Variants in MRPL48 observed in about 807,000 individuals in gnomAD.
MRPL48 encodes the protein large ribosomal subunit protein mL48.
Under a neutral mutation model 32.9 loss-of-function variants are expected in MRPL48, and 16 were observed. That is an observed-to-expected ratio of 0.49 (90% CI 0.33 to 0.74). The LOEUF is 0.74. MRPL48 is among the 30% of genes least tolerant of loss of function. The pLI is 0.02. For synonymous variants in MRPL48, 94 were observed against 89.2 expected, an observed-to-expected ratio of 1.05 and a Z score of -0.31; for missense variants, 206 against 245.3, an observed-to-expected ratio of 0.84 and a Z score of 1.07.
At chr11:73,788,058 G>A in intron 1 of MRPL48, 66 bp downstream of exon 1, 1 of 1,598,994 alleles carries the variant, frequency 6.3e-7, no homozygotes, top group Non-Finnish European at 8.5e-7. Context: ...GGGAGATGGC[G>A]GAGGGTGCAG....
At chr11:73,843,259 C>T (rs1948225847) in intron 4 of MRPL48, 1 of 149,754 alleles carries the variant, frequency 6.7e-6, no homozygotes, top group Non-Finnish European at 1.5e-5. Context: ...GGAGTCTCGC[C>T]CTGTCACCCA....
Position 73,864,301 on chromosome 11 carries a change from TGAA to T in MRPL48, c.576_578del (p.Glu192del). The stretch of plus-strand genomic sequence containing the variant: ...TTTCTTTTTCTTCTCCTTAGCACAC[TGAA>T]GAAGACTTCAAGGGACGATTCAAAG... On this transcript the variant is annotated inframe_deletion, in exon 8 of 8. Transcript: ENST00000310614. The T allele has an allele frequency of 1.9e-6, 3 of 1,613,756 alleles. No individual in the cohort carries two copies. The highest frequency in any genetic ancestry group is 1.1e-5 in the South Asian group (1 of 91,012).
intron 4 of MRPL48, among the ~76,000 whole-genome samples, chr11:73,836,640 G>T (rs947114879): frequency 2.6e-5 from 4 of 152,168 alleles, no homozygotes; most frequent in Admixed American, 2.6e-4. Context: ...GACCCTGTTT[G>T]AGGAATCCAA....
chr11:73,862,074 G>A (rs1265061632), intron 6 of MRPL48, among the ~76,000 whole-genome samples: 1 of 152,180 alleles, frequency 6.6e-6, no homozygotes, highest in Non-Finnish European at 1.5e-5. Context: ...GATCACTTAA[G>A]GTGAGGAGTT....
In MRPL48 at chr11:73,826,611, A is replaced by G. The variant is rs1048133248; in HGVS notation, c.201+815A>G. On this transcript the variant is annotated intron_variant, in intron 4 of 7. Transcript: ENST00000310614. ...CTCATGCTTCAACCTCCCAAGTGGC[A>G]GGGATTATAGGCGTCCGCTGCCACA... Among the ~76,000 whole-genome samples, 3 of 151,550 alleles carry G rather than the reference A, an allele frequency of 2.0e-5. No homozygotes were observed. In the South Asian group the frequency reaches 6.3e-4, roughly 32 times the overall value.
intron 4 of MRPL48, among the ~76,000 whole-genome samples, chr11:73,829,628 C>T (rs1455201278): frequency 6.6e-6 from 1 of 152,222 alleles, no homozygotes; most frequent in Non-Finnish European, 1.5e-5. Flanking sequence ...CCTTGGCCTC[C>T]CAAGTGCTGG....
chr11:73,812,085 A>G (rs1005128605), intron 3 of MRPL48, among the ~76,000 whole-genome samples: 3 of 152,010 alleles, frequency 2.0e-5, no homozygotes, highest in African/African-American at 4.8e-5. Flanking sequence ...ATGGGGTTTC[A>G]CCGTGTTAGC....
At chr11:73,824,207 T>G (rs1361520396) in intron 3 of MRPL48, among the ~76,000 whole-genome samples, 3 of 152,076 alleles carry the variant, frequency 2.0e-5, no homozygotes, top group Non-Finnish European at 4.4e-5. Flanking sequence ...GTTCTACACT[T>G]TTGGTTTTTG....
intron 3 of MRPL48, among the ~76,000 whole-genome samples, chr11:73,819,260 T>C (rs188190851): frequency 6.6e-6 from 1 of 152,212 alleles, no homozygotes; most frequent in Admixed American, 6.5e-5. Context: ...CAAACTGAAT[T>C]TTAAAATGCC....
intron 1 of MRPL48, among the ~76,000 whole-genome samples, chr11:73,792,772 A>G (rs1188106898): frequency 1.3e-5 from 2 of 152,200 alleles, no homozygotes; most frequent in Non-Finnish European, 2.9e-5. Flanking sequence ...TAAGGTACAT[A>G]TTGTTTCACA....
At chr11:73,849,191 C>T (rs2135063637) in intron 5 of MRPL48, among the ~76,000 whole-genome samples, 1 of 152,148 alleles carries the variant, frequency 6.6e-6, no homozygotes, top group South Asian at 2.1e-4. Context: ...AGCTGGAGTG[C>T]AGTGGCGCAA....
intron 1 of MRPL48, among the ~76,000 whole-genome samples, chr11:73,791,763 G>A (rs745417058): frequency 3.9e-5 from 6 of 152,058 alleles, no homozygotes; most frequent in Admixed American, 3.3e-4. Flanking sequence ...TAGTGTATCT[G>A]GCCTAAAGTA....
At chr11:73,840,656 C>T (rs569123605) in intron 4 of MRPL48, among the ~76,000 whole-genome samples, 157 of 152,154 alleles carry the variant, frequency 1.0e-3, no homozygotes, top group South Asian at 2.3e-3. Flanking sequence ...CCCGCCACCA[C>T]GCCCAGCTAA....
chr11:73,860,626 C>A (rs1055084192), intron 6 of MRPL48: 3 of 152,212 alleles, frequency 2.0e-5, no homozygotes, highest in Admixed American at 6.6e-5. Flanking sequence ...GGGTGCCAAC[C>A]ACACCACCAT....
intron 4 of MRPL48, among the ~76,000 whole-genome samples, chr11:73,840,852 G>C (rs978377241): frequency 6.6e-6 from 1 of 152,010 alleles, no homozygotes; most frequent in East Asian, 1.9e-4. Context: ...AAAAAGGGAA[G>C]GTACAGAGAG....
At chr11:73,824,382 C>G (rs12277859) in intron 3 of MRPL48, among the ~76,000 whole-genome samples, 19,695 of 151,566 alleles carry the variant, frequency 0.13, 1,368 homozygotes, top group African/African-American at 0.17. Flanking sequence ...GAGGTCAGTT[C>G]GATACCAGCC....
chr11:73,853,883 G>C (rs934360750), intron 5 of MRPL48, among the ~76,000 whole-genome samples: 3 of 151,706 alleles, frequency 2.0e-5, no homozygotes, highest in Non-Finnish European at 2.9e-5. Context: ...GTAGGGAGGG[G>C]GTTTCACCGT....
At chr11:73,804,218 T>G (rs1947408082) in intron 1 of MRPL48, among the ~76,000 whole-genome samples, 1 of 149,080 alleles carries the variant, frequency 6.7e-6, no homozygotes, top group Admixed American at 6.7e-5. Context: ...GTGCCCAGCC[T>G]ATCACTGTTA....
rs35448499 is a variant in MRPL48 at position 73,835,140 on chromosome 11, C to CTTTTT, written c.201+9360_201+9364dup. Among the ~76,000 whole-genome samples, 351 of 108,446 alleles carry CTTTTT rather than the reference C, an allele frequency of 3.2e-3. 8 individuals carry two copies. Among genetic ancestry groups the CTTTTT allele is most frequent in the Middle Eastern group, 7.2e-3 (1 of 138 alleles). 71.1% of individuals were successfully genotyped at this position (108,446 alleles called of 152,430 possible). A position where few individuals can be genotyped will look rare whatever the true frequency, so the allele number is the denominator to read the frequency against. The stretch of plus-strand genomic sequence containing the variant: ...GAGCCACTGTGCCCAGCCATGTTGT[C>CTTTTT]TTTTTTTTTTTTTTTTTTTTGAGAC... On this transcript the variant is annotated intron_variant, in intron 4 of 7. Coordinates refer to ENST00000310614, the MANE Select transcript of MRPL48 (RefSeq NM_016055.6).
Sources: allele counts gnomAD v4.1 joint callset (sites outside exome capture counted in the v4.1 genomes callset), GRCh38; gene constraint gnomAD v4.1.1; transcripts MANE v1.5; gene names NCBI Gene and HGNC (gene_info 2026-07-23, HGNC 2026-07-21).